The following HEPHL1 variants were observed in gnomAD, a reference collection of about 807,000 sequenced individuals.
The protein encoded by HEPHL1 is hephaestin like 1.
In HEPHL1, 123 loss-of-function variants were observed where a neutral mutation model predicts 122.0. The observed-to-expected ratio is 1.01, with a 90% CI of 0.87 to 1.17. The LOEUF is 1.17. HEPHL1 is among the 50% of genes most tolerant of loss of function. HEPHL1 has a pLI of 0.00. For missense variants in HEPHL1, 1,452 were observed against 1,430.5 expected (o/e 1.01, Z -0.24); for synonymous variants, 527 against 508.9 (o/e 1.04, Z -0.48).
chr11:94,100,896 A>G (rs1946362276), intron 13 of HEPHL1, among the ~76,000 whole-genome samples: 1 of 152,184 alleles, frequency 6.6e-6, no homozygotes, highest in South Asian at 2.1e-4. Context: ...AATCCCACAT[A>G]AAAGTTATTA....
intron 3 of HEPHL1, 59 bp from the exon 4 acceptor site, chr11:94,064,272 G>T (rs74892692): frequency 2.2e-6 from 3 of 1,350,770 alleles, no homozygotes; most frequent in Non-Finnish European, 3.1e-6. Context: ...CTATTGGAAG[G>T]AAGCAAAGCT....
At chr11:94,034,854 T>G (rs1053737569) in intron 1 of HEPHL1, among the ~76,000 whole-genome samples, 8 of 152,100 alleles carry the variant, frequency 5.3e-5, no homozygotes, top group African/African-American at 1.9e-4. Flanking sequence ...TGACTCAGTA[T>G]TCAGAGGTGG....
chr11:94,028,634 C>T (rs1945646751), intron 1 of HEPHL1, among the ~76,000 whole-genome samples: 1 of 152,182 alleles, frequency 6.6e-6, no homozygotes, highest in African/African-American at 2.4e-5. Flanking sequence ...TAGACACCTC[C>T]TTAGCTTGAG....
At chr11:94,027,955 A>G (rs1354414509) in intron 1 of HEPHL1, among the ~76,000 whole-genome samples, 1 of 152,062 alleles carries the variant, frequency 6.6e-6, no homozygotes, top group African/African-American at 2.4e-5. Context: ...TCCAAGTGAC[A>G]TTTGTCTCAA....
Position 94,112,879 on chromosome 11 carries a change from CATT to C in HEPHL1, c.*986_*988del, listed in dbSNP as rs1230011391. The C allele has an allele frequency of 6.6e-6, 1 of 152,044 alleles. No individual in the cohort carries two copies. Among genetic ancestry groups the C allele is most frequent in the East Asian group, 1.9e-4 (1 of 5,182 alleles). The allele number at this position is 152,044 out of a possible 1,614,324, so 9.4% of individuals were successfully genotyped here. A position where few individuals can be genotyped will look rare whatever the true frequency, so the allele number is the denominator to read the frequency against. Reference sequence around the variant, plus strand: ...ATCTTCTATGAAATTATAACATTCTCATTGTATGAGAAACATCAGGAGGAATTT... The same window carrying C: ...ATCTTCTATGAAATTATAACATTCTCGTATGAGAAACATCAGGAGGAATTT... On this transcript the variant is annotated 3_prime_UTR_variant, in exon 20 of 20. Transcript: ENST00000315765.
chr11:94,084,541 G>A (rs955804449), intron 10 of HEPHL1, among the ~76,000 whole-genome samples: 1 of 152,036 alleles, frequency 6.6e-6, no homozygotes, highest in South Asian at 2.1e-4. Context: ...CTGACATGGT[G>A]CACAATGCTT....
At position 94,075,306 on chromosome 11, in the gene HEPHL1, C is replaced by T; in HGVS notation, c.1637C>T (p.Pro546Leu). The T allele has an allele frequency of 6.2e-7, 1 of 1,613,480 alleles. No individual in the cohort carries two copies. Among genetic ancestry groups the T allele is most frequent in the Non-Finnish European group, 8.5e-7 (1 of 1,179,632 alleles). Reference protein sequence around the residue: ...LTYLYFSAVDPIKDTSSGLVG... With the variant: ...LTYLYFSAVDLIKDTSSGLVG... ...TATCTTTACTTCTCAGCAGTTGATCCAATTAAGGACACCAGCTCTGGCCTG... is the reference window on the plus strand; with the variant it reads ...TATCTTTACTTCTCAGCAGTTGATCTAATTAAGGACACCAGCTCTGGCCTG... Residue 546 changes from proline to leucine, a missense_variant, in exon 9 of 20, where the codon CCA becomes CTA. Pro to Leu is a moderately conservative substitution (Grantham distance 98). Transcript: ENST00000315765.
intron 2 of HEPHL1, among the ~76,000 whole-genome samples, chr11:94,050,657 G>A (rs1220481755): frequency 6.6e-6 from 1 of 152,008 alleles, no homozygotes; most frequent in African/African-American, 2.4e-5. Context: ...TATCCTTTGT[G>A]TTTCAGACAA....
At chr11:94,025,327 G>A (rs2511402) in intron 1 of HEPHL1, among the ~76,000 whole-genome samples, 53,428 of 151,878 alleles carry the variant, frequency 0.35, 10,239 homozygotes, top group Admixed American at 0.45. Context: ...GAGTTGCCTG[G>A]GGATGGTGTC....
intron 2 of HEPHL1, chr11:94,055,456 A>G: frequency 4.3e-6 from 1 of 234,382 alleles, no homozygotes. Flanking sequence ...GCCATCAGTA[A>G]CATGAGGATC....
In HEPHL1 at chr11:94,064,363, G is replaced by T. The variant is rs556983825; in HGVS notation, c.661G>T (p.Asp221Tyr). Residue 221 changes from aspartate (D) to tyrosine (Y), a missense_variant, in exon 4 of 20, where the codon GAT (aspartate) becomes TAT (tyrosine). Transcript: ENST00000315765. ...ILNRYSGTRNDVDREFVIMFT... is the reference protein window; with the variant it reads ...ILNRYSGTRNYVDREFVIMFT... ...GAATAGATATTCAGGGACACGGAATGATGTGGATCGAGAGTTTGTTATAAT... is the reference window on the plus strand; with the variant it reads ...GAATAGATATTCAGGGACACGGAATTATGTGGATCGAGAGTTTGTTATAAT... 3.1e-6 allele frequency: 5 copies of T among 1,613,306 alleles called. No individual in the cohort carries two copies. The Admixed American group carries it at 6.7e-5, about 22-fold the overall frequency.
At chr11:94,088,720 GCA>G in intron 11 of HEPHL1, 33 bp from the exon 12 acceptor site, 2 of 1,527,950 alleles carry the variant, frequency 1.3e-6, no homozygotes, top group Non-Finnish European at 1.8e-6. Flanking sequence ...AAAATACCGA[GCA>G]CCACACTCAA....
rs952104728 is a variant in HEPHL1 at position 94,055,963 on chromosome 11, T to A, written c.416-7545T>A. The stretch of plus-strand genomic sequence containing the variant: ...AACTTGCCAGTGGACTCTAACACTT[T>A]GGCAGCCATGTTTCCTTCTGCTGGA... On this transcript the variant is annotated intron_variant, in intron 2 of 19. Coordinates refer to ENST00000315765, the MANE Select transcript of HEPHL1 (RefSeq NM_001098672.2). 4.4e-5 allele frequency: 58 copies of A among 1,312,400 alleles called. No individual in the cohort carries two copies. The African/African-American group carries it at 6.8e-4, about 15-fold the overall frequency. The allele number at this position is 1,312,400 out of a possible 1,614,324, so 81.3% of individuals were successfully genotyped here. A position where few individuals can be genotyped will look rare whatever the true frequency, so the allele number is the denominator to read the frequency against.
Position 94,073,128 on chromosome 11 carries a change from AG to A in HEPHL1, c.1337del (p.Arg446AsnfsTer25). 6.2e-7 allele frequency: 1 copy of A among 1,613,196 alleles called. No individual in the cohort carries two copies. Among genetic ancestry groups the A allele is most frequent in the Non-Finnish European group, 8.5e-7 (1 of 1,179,462 alleles). ...TGATGCAACTTTTACTAAAAGAAAG[AG>A]ACTCTCTGCTGAAGAAGCCCATCTT... Reference protein sequence around the residue: ...FVDATFTKRKRLSAEEAHLGI... With the variant: ...FVDATFTKRKXLSAEEAHLGI... On this transcript the variant is annotated frameshift_variant, in exon 7 of 20. Coordinates refer to ENST00000315765, the MANE Select transcript of HEPHL1 (RefSeq NM_001098672.2). LOFTEE classifies it high-confidence loss of function.
At chr11:94,086,267 A>C in intron 11 of HEPHL1, 78 bp downstream of exon 11, 2 of 1,095,404 alleles carry the variant, frequency 1.8e-6, no homozygotes, top group Non-Finnish European at 2.7e-6. Context: ...CCACAGAAGA[A>C]ATTGGTAGAC....
chr11:94,110,988 C>A lies in HEPHL1; in HGVS notation c.3131C>A (p.Thr1044Lys). ...TIELFADHPG[T>K]WLLHCHVSDH... The stretch of plus-strand genomic sequence containing the variant: ...GAACTGTTTGCAGATCACCCAGGGA[C>A]ATGGCTGCTACACTGTCATGTGTCT... The change falls in exon 18 of 20, where the codon ACA becomes AAA. Residue 1044 changes from threonine (T) to lysine (K), a missense_variant. Coordinates refer to ENST00000315765, the MANE Select transcript of HEPHL1 (RefSeq NM_001098672.2). The A allele has an allele frequency of 6.2e-7, 1 of 1,611,972 alleles. No individual in the cohort carries two copies. The highest frequency in any genetic ancestry group is 1.1e-5 in the South Asian group (1 of 90,538).
At chr11:94,046,091 C>CTTTCTTTTTT (rs1945834268) in intron 2 of HEPHL1, among the ~76,000 whole-genome samples, 174 bp downstream of exon 2, 1 of 65,050 alleles carries the variant, frequency 1.5e-5, no homozygotes, top group Non-Finnish European at 2.6e-5. Context: ...CCCTTTCTTG[C>CTTTCTTTTTT]TTTTTTTTTT....
chr11:94,096,211 T>G (rs941624193), intron 13 of HEPHL1, among the ~76,000 whole-genome samples: 5 of 152,212 alleles, frequency 3.3e-5, no homozygotes, highest in Non-Finnish European at 7.3e-5. Context: ...CCTAATTTAT[T>G]GAGAGTTTTT....
At chr11:94,095,086 G>A (rs1030468752) in intron 13 of HEPHL1, among the ~76,000 whole-genome samples, 40 of 152,048 alleles carry the variant, frequency 2.6e-4, no homozygotes, top group Non-Finnish European at 4.4e-4. Flanking sequence ...TATGTCCTGA[G>A]TAGTATTGCC....
Sources: allele counts gnomAD v4.1 joint callset (sites outside exome capture counted in the v4.1 genomes callset), GRCh38; gene constraint gnomAD v4.1.1; transcripts MANE v1.5; gene names NCBI Gene and HGNC (gene_info 2026-07-23, HGNC 2026-07-21).